MAP2: variants seen among roughly 807,000 people sequenced by gnomAD.
MAP2 encodes the protein microtubule associated protein 2, also known as microtubule-associated protein 2.
MAP2 carries 14 observed loss-of-function variants against 137.6 expected under a neutral mutation model. That is an observed-to-expected ratio of 0.10 (90% CI 0.07 to 0.16). The LOEUF is 0.16. MAP2 is among the 10% of genes least tolerant of loss of function. The pLI is 1.00. For missense variants in MAP2, 2,088 were observed against 2,191.5 expected, an observed-to-expected ratio of 0.95 and a Z score of 0.94; for synonymous variants, 786 against 782.3, an observed-to-expected ratio of 1.00 and a Z score of -0.08.
chr2:209,712,758 T>G (rs1198190069), intron 13 of MAP2, among the ~76,000 whole-genome samples: 1 of 152,152 alleles, frequency 6.6e-6, no homozygotes, highest in Non-Finnish European at 1.5e-5. Flanking sequence ...TCCATACTTG[T>G]AAAACTGAAG....
intron 2 of MAP2, among the ~76,000 whole-genome samples, chr2:209,539,444 C>T (rs919024674): frequency 9.2e-5 from 14 of 152,256 alleles, no homozygotes; most frequent in Admixed American, 5.9e-4. Context: ...CTAGTATTTT[C>T]TGAAGAAAAC....
chr2:209,506,013 CCCCTGAGAG>C (rs970893588), intron 1 of MAP2, among the ~76,000 whole-genome samples: 4 of 151,866 alleles, frequency 2.6e-5, no homozygotes, highest in Non-Finnish European at 4.4e-5. Context: ...TTTCACCATT[CCCCTGAGAG>C]TTTACAGTGG....
intron 7 of MAP2, among the ~76,000 whole-genome samples, chr2:209,687,889 G>T (rs1165891349): frequency 1.3e-5 from 2 of 152,128 alleles, no homozygotes; most frequent in African/African-American, 4.8e-5. Flanking sequence ...GTTCAGCTCA[G>T]AACGGACCAC....
chr2:209,626,740 G>C (rs1389265964), intron 4 of MAP2, among the ~76,000 whole-genome samples: 1 of 152,142 alleles, frequency 6.6e-6, no homozygotes, highest in Non-Finnish European at 1.5e-5. Flanking sequence ...ATTATATGTA[G>C]AGATTCTTTC....
chr2:209,560,481 CT>C (rs61613421), intron 2 of MAP2, among the ~76,000 whole-genome samples: 44,679 of 137,184 alleles, frequency 0.33, 11,647 homozygotes, highest in African/African-American at 0.74. Context: ...CTTTGAGATT[CT>C]TTTTTTTTTT....
At chr2:209,533,248 G>A (rs1344165876) in intron 2 of MAP2, among the ~76,000 whole-genome samples, 3 of 152,010 alleles carry the variant, frequency 2.0e-5, no homozygotes, top group East Asian at 1.9e-4. Context: ...AGGTTCAAGC[G>A]ATTCTCCTGC....
intron 2 of MAP2, among the ~76,000 whole-genome samples, chr2:209,548,204 G>T (rs1035347798): frequency 2.0e-5 from 3 of 152,176 alleles, no homozygotes; most frequent in Non-Finnish European, 1.5e-5. Context: ...TTAACCAAAT[G>T]TACATGATTG....
intron 1 of MAP2, among the ~76,000 whole-genome samples, chr2:209,451,450 G>C (rs1024741581): frequency 6.6e-6 from 1 of 152,168 alleles, no homozygotes; most frequent in African/African-American, 2.4e-5. Flanking sequence ...GTGCCTCCCA[G>C]GTAAGTAGTT....
intron 3 of MAP2, among the ~76,000 whole-genome samples, chr2:209,580,374 GT>G (rs992801046): frequency 1.2e-4 from 18 of 151,800 alleles, no homozygotes; most frequent in Admixed American, 2.0e-4. Context: ...TCATTGTAAT[GT>G]TTTTTTTAAA....
chr2:209,611,985 C>G (rs2087064640), intron 3 of MAP2, among the ~76,000 whole-genome samples: 1 of 152,126 alleles, frequency 6.6e-6, no homozygotes, highest in Non-Finnish European at 1.5e-5. Flanking sequence ...AAATAAAACT[C>G]CATGTAACTC....
chr2:209,624,088 A>T (rs181829759), intron 3 of MAP2, among the ~76,000 whole-genome samples: 36 of 152,326 alleles, frequency 2.4e-4, no homozygotes, highest in African/African-American at 7.9e-4. Flanking sequence ...TTAGAGGTTC[A>T]TACAGAAGAA....
intron 1 of MAP2, among the ~76,000 whole-genome samples, chr2:209,492,614 G>A (rs1489074106): frequency 6.6e-6 from 1 of 151,876 alleles, no homozygotes; most frequent in African/African-American, 2.4e-5. Flanking sequence ...AATTAATGTG[G>A]AAAAATCACA....
At chr2:209,613,249 A>G (rs1300002303) in intron 3 of MAP2, among the ~76,000 whole-genome samples, 1 of 126,992 alleles carries the variant, frequency 7.9e-6, no homozygotes, top group Non-Finnish European at 1.5e-5. Context: ...TTTTATTTCT[A>G]TTTTTATTTA....
At chr2:209,493,099 A>G (rs901845726) in intron 1 of MAP2, among the ~76,000 whole-genome samples, 2 of 152,198 alleles carry the variant, frequency 1.3e-5, no homozygotes, top group Non-Finnish European at 2.9e-5. Context: ...CCAATGGAAC[A>G]GAACAGAGGC....
At chr2:209,723,664 A>G (rs139063535) in intron 13 of MAP2, 74 of 1,613,884 alleles carry the variant, frequency 4.6e-5, no homozygotes, top group Middle Eastern at 1.6e-4. Context: ...GGATAACATC[A>G]AACATTCGGC....
At chr2:209,586,513 C>T (rs1187354374) in intron 3 of MAP2, among the ~76,000 whole-genome samples, 1 of 152,096 alleles carries the variant, frequency 6.6e-6, no homozygotes, top group Non-Finnish European at 1.5e-5. Context: ...ATTCCATTCC[C>T]GTTTCCTGCC....
chr2:209,531,830 A>AC (rs1282533359), intron 2 of MAP2, among the ~76,000 whole-genome samples: 10 of 152,316 alleles, frequency 6.6e-5, no homozygotes, highest in Admixed American at 4.6e-4. Context: ...CTCTTATGCA[A>AC]CCAATCTTAG....
chr2:209,609,954 CTAAG>C (rs1386523799), intron 3 of MAP2, among the ~76,000 whole-genome samples: 16 of 152,038 alleles, frequency 1.1e-4, no homozygotes, highest in African/African-American at 3.9e-4. Context: ...TTATGGAGCA[CTAAG>C]TGTTTATGAT....
chr2:209,574,151 T>C (rs1323733865), intron 2 of MAP2, among the ~76,000 whole-genome samples: 1 of 152,154 alleles, frequency 6.6e-6, no homozygotes, highest in Non-Finnish European at 1.5e-5. Flanking sequence ...GACTTGCTCA[T>C]TCTACATGAT....
Sources: gnomAD v4.1 joint callset for allele counts (sites outside exome capture counted in the v4.1 genomes callset) on GRCh38, gnomAD v4.1.1 for gene constraint, MANE v1.5 for transcripts, NCBI Gene and HGNC (gene_info 2026-07-23, HGNC 2026-07-21) for gene names.